Variants in SPECC1L observed in about 807,000 individuals in gnomAD.
SPECC1L encodes sperm antigen with calponin homology and coiled-coil domains 1 like.
SPECC1L carries 40 observed loss-of-function variants against 116.8 expected under a neutral mutation model. The observed-to-expected ratio is 0.34, with a 90% CI of 0.27 to 0.45. The LOEUF (loss-of-function observed/expected upper bound fraction) is 0.45, where lower values mean the gene tolerates loss of function less well. Among genes scored for constraint, SPECC1L ranks in the 20% least tolerant of loss-of-function variants. The pLI is 1.00. For synonymous variants in SPECC1L, 504 were observed against 500.6 expected (o/e 1.01, Z -0.09); for missense variants, 1,110 against 1,373.6 (o/e 0.81, Z 3.03).
chr22:24,405,770 C>T lies in SPECC1L; in HGVS notation c.3088-5818C>T, dbSNP rs141919681. On this transcript the variant is annotated intron_variant, in intron 14 of 16. Transcript: ENST00000314328. Reference sequence around the variant, plus strand: ...CAGAGAATTGCTTGAACCCAGGAGGCGGAGCTTGCAGTGATTCGAGATTGC... The same window carrying T: ...CAGAGAATTGCTTGAACCCAGGAGGTGGAGCTTGCAGTGATTCGAGATTGC... Among the ~76,000 whole-genome samples, 1,043 of 150,930 alleles carry T rather than the reference C, an allele frequency of 6.9e-3. 5 individuals carry two copies. Among genetic ancestry groups the T allele is most frequent in the Non-Finnish European group, 0.011 (751 of 67,882 alleles).
Position 24,363,319 on chromosome 22 carries a change from G to A in SPECC1L, c.2802G>A (p.Ala934=), listed in dbSNP as rs151039906. The A allele has an allele frequency of 9.3e-6, 15 of 1,614,138 alleles. No homozygotes were observed. The highest frequency in any genetic ancestry group is 8.0e-5 in the African/African-American group (6 of 75,030). The change falls in exon 12 of 17, where the codon GCG becomes GCA. Residue 934 remains alanine (A), a synonymous_variant. Coordinates refer to ENST00000314328, the MANE Select transcript of SPECC1L (RefSeq NM_015330.6). The part of the protein sequence containing the change: ...SRPASLPRVP[A]MESAKTLSVS... The stretch of plus-strand genomic sequence containing the variant: ...CTGCTTCCCTGCCAAGAGTGCCTGC[G>A]ATGGAAAGTGCCAAGACCCTCTCAG...
intron 3 of SPECC1L, among the ~76,000 whole-genome samples, chr22:24,302,931 G>A (rs923640422): frequency 6.3e-5 from 9 of 143,900 alleles, no homozygotes; most frequent in Non-Finnish European, 1.4e-4. Flanking sequence ...GCTGGTCCAC[G>A]ATGATGATGA....
intron 13 of SPECC1L, among the ~76,000 whole-genome samples, chr22:24,367,152 G>A (rs992264447): frequency 3.3e-5 from 5 of 152,160 alleles, no homozygotes; most frequent in South Asian, 2.1e-4. Flanking sequence ...GAGATCGTGC[G>A]ACTGCACTCC....
intron 13 of SPECC1L, 74 bp downstream of exon 13, chr22:24,365,706 A>G: frequency 6.5e-7 from 1 of 1,541,596 alleles, no homozygotes; most frequent in Non-Finnish European, 8.9e-7. Context: ...ATCAAGTTGT[A>G]AAATGATGGC....
intron 14 of SPECC1L, among the ~76,000 whole-genome samples, chr22:24,402,515 T>A (rs1174486307): frequency 6.6e-6 from 1 of 152,186 alleles, no homozygotes; most frequent in Non-Finnish European, 1.5e-5. Flanking sequence ...TGTTAGTAAC[T>A]CACTCTTACC....
At chr22:24,316,902 G>T (rs71320066) in intron 4 of SPECC1L, among the ~76,000 whole-genome samples, 5,040 of 119,848 alleles carry the variant, frequency 0.042, 572 homozygotes, top group Middle Eastern at 0.066. Flanking sequence ...CTGGCCGGGC[G>T]GGGGGCTGAC....
At chr22:24,355,224 A>C (rs1025563397) in intron 11 of SPECC1L, among the ~76,000 whole-genome samples, 3 of 149,764 alleles carry the variant, frequency 2.0e-5, no homozygotes, top group Non-Finnish European at 4.4e-5. Context: ...CAGAGGTTGC[A>C]ATGAGCCAGG....
intron 1 of SPECC1L, among the ~76,000 whole-genome samples, chr22:24,272,326 C>G (rs549514895): frequency 6.6e-6 from 1 of 152,306 alleles, no homozygotes; most frequent in African/African-American, 2.4e-5. Flanking sequence ...GTTCGCGCCA[C>G]TGTACCCCAG....
intron 10 of SPECC1L, among the ~76,000 whole-genome samples, chr22:24,346,628 T>C (rs951574914): frequency 1.3e-5 from 2 of 151,934 alleles, no homozygotes; most frequent in South Asian, 4.1e-4. Flanking sequence ...TGATAGGGGG[T>C]TGGGGACGGG....
At chr22:24,361,196 A>C (rs1407195913) in intron 11 of SPECC1L, among the ~76,000 whole-genome samples, 1 of 152,150 alleles carries the variant, frequency 6.6e-6, no homozygotes, top group Non-Finnish European at 1.5e-5. Flanking sequence ...TTAGGAGTTC[A>C]AGATTAGCCT....
intron 12 of SPECC1L, 111 bp from the exon 13 acceptor site, chr22:24,365,365 T>C (rs1478224406): frequency 1.0e-6 from 1 of 983,034 alleles, no homozygotes; most frequent in Non-Finnish European, 1.5e-6. Flanking sequence ...TATTAGTTTT[T>C]CCTCCTGTAT....
At chr22:24,275,361 C>A (rs2048816964) in intron 1 of SPECC1L, among the ~76,000 whole-genome samples, 1 of 152,200 alleles carries the variant, frequency 6.6e-6, no homozygotes. Context: ...GTAGTGCGTA[C>A]CAACTTTTCA....
chr22:24,300,394 G>A (rs1202427052), intron 2 of SPECC1L, among the ~76,000 whole-genome samples: 2 of 152,082 alleles, frequency 1.3e-5, no homozygotes, highest in East Asian at 3.9e-4. Context: ...GGGCATTTGG[G>A]TTGGTTCCAT....
At chr22:24,328,746 A>C (rs925004539) in intron 6 of SPECC1L, 100 bp from the exon 7 acceptor site, 1 of 901,138 alleles carries the variant, frequency 1.1e-6, no homozygotes, top group African/African-American at 1.7e-5. Context: ...TGGACAGGAT[A>C]ACTTTTTTCG....
At chr22:24,302,035 G>T (rs2146404018) in intron 2 of SPECC1L, among the ~76,000 whole-genome samples, 160 bp from the exon 3 acceptor site, 1 of 150,466 alleles carries the variant, frequency 6.6e-6, no homozygotes, top group African/African-American at 2.5e-5. Context: ...GACAGAGCGA[G>T]ACTCCGTCTC....
chr22:24,329,481 A>G (rs1307555415), intron 7 of SPECC1L, among the ~76,000 whole-genome samples: 3 of 152,278 alleles, frequency 2.0e-5, no homozygotes, highest in African/African-American at 4.8e-5. Flanking sequence ...CATCTTGCCA[A>G]CAGCAATGCA....
intron 14 of SPECC1L, among the ~76,000 whole-genome samples, chr22:24,369,581 C>G (rs2041835328): frequency 6.6e-6 from 1 of 152,086 alleles, no homozygotes; most frequent in African/African-American, 2.4e-5. Context: ...TGCCTGGAGT[C>G]CCAGCTACTT....
chr22:24,400,804 TG>T (rs1363475867), intron 14 of SPECC1L, among the ~76,000 whole-genome samples: 1 of 152,266 alleles, frequency 6.6e-6, no homozygotes, highest in Non-Finnish European at 1.5e-5. Flanking sequence ...ATTTCCTTAG[TG>T]ACTAACCGTG....
chr22:24,370,415 A>G (rs2041850519), intron 14 of SPECC1L, among the ~76,000 whole-genome samples: 1 of 151,946 alleles, frequency 6.6e-6, no homozygotes, highest in Non-Finnish European at 1.5e-5. Flanking sequence ...TGGCTAACAA[A>G]GGAGATAAGT....
Sources: allele counts gnomAD v4.1 joint callset (sites outside exome capture counted in the v4.1 genomes callset), GRCh38; gene constraint gnomAD v4.1.1; transcripts MANE v1.5; gene names NCBI Gene and HGNC (gene_info 2026-07-23, HGNC 2026-07-21).